The following GALM variants were observed in gnomAD, a reference collection of about 807,000 sequenced individuals.
GALM encodes the protein galactose mutarotase.
GALM carries 43 observed loss-of-function variants against 37.4 expected under a neutral mutation model. That is an observed-to-expected ratio of 1.15 (90% confidence interval 0.90 to 1.48). GALM has a LOEUF of 1.48. GALM is among the 40% of genes most tolerant of loss of function. GALM has a pLI of 0.00. For synonymous variants in GALM, 199 were observed against 170.6 expected (o/e 1.17, Z -1.30); for missense variants, 456 against 419.1 (o/e 1.09, Z -0.77).
At chr2:38,715,233 A>G (rs1666245518) in intron 4 of GALM, among the ~76,000 whole-genome samples, 1 of 151,990 alleles carries the variant, frequency 6.6e-6, no homozygotes, top group African/African-American at 2.4e-5. Context: ...TCATCCCTTC[A>G]CTTTCAGTCT....
chr2:38,711,757 A>G (rs796301581), intron 4 of GALM, among the ~76,000 whole-genome samples: 2,086 of 149,654 alleles, frequency 0.014, 12 homozygotes, highest in African/African-American at 0.05. Context: ...CACCATCACT[A>G]TCACCACCAT....
intron 4 of GALM, among the ~76,000 whole-genome samples, chr2:38,692,097 A>G (rs1475359021): frequency 6.6e-6 from 1 of 152,168 alleles, no homozygotes; most frequent in South Asian, 2.1e-4. Flanking sequence ...AATCCTTTAG[A>G]GCTCTATCAT....
At chr2:38,712,761 A>G (rs568481367) in intron 4 of GALM, among the ~76,000 whole-genome samples, 1 of 152,336 alleles carries the variant, frequency 6.6e-6, no homozygotes, top group African/African-American at 2.4e-5. Context: ...AGCGCAGGAC[A>G]GCAATCTCAT....
Position 38,681,359 on chromosome 2 carries a change from G to C in GALM, c.425G>C (p.Gly142Ala), listed in dbSNP as rs1157164491. The change falls in exon 3 of 7, where the codon GGA (glycine) becomes GCA (alanine). Residue 142 changes from glycine to alanine, a missense_variant. Coordinates refer to ENST00000272252, the MANE Select transcript of GALM (RefSeq NM_138801.3). The stretch of plus-strand genomic sequence containing the variant: ...CCAGATGGTGAAGAAGGCTACCCCG[G>C]AGAGTTAAAAGTCTGGGTGACATAC... ...ISPDGEEGYP[G>A]ELKVWVTYTL... The C allele has an allele frequency of 6.2e-7, 1 of 1,614,138 alleles. No individual in the cohort carries two copies. The highest frequency in any genetic ancestry group is 1.3e-5 in the African/African-American group (1 of 75,046).
chr2:38,706,543 G>C (rs1242095115), intron 4 of GALM, among the ~76,000 whole-genome samples: 1 of 150,862 alleles, frequency 6.6e-6, no homozygotes, highest in Non-Finnish European at 1.5e-5. Flanking sequence ...AGCCAGGTGC[G>C]GTGGCCCACA....
At chr2:38,728,686 AAAAACAAAAC>A (rs70954748) in intron 4 of GALM, among the ~76,000 whole-genome samples, 109 of 150,728 alleles carry the variant, frequency 7.2e-4, no homozygotes, top group African/African-American at 2.4e-3. Flanking sequence ...CTCCATCTCA[AAAAACAAAAC>A]AAAACAAAAC....
intron 4 of GALM, among the ~76,000 whole-genome samples, chr2:38,696,946 C>T (rs1195977650): frequency 5.3e-5 from 8 of 151,824 alleles, no homozygotes; most frequent in Admixed American, 6.6e-5. Flanking sequence ...CATGCCACCA[C>T]GCCCGGCTAA....
In GALM at chr2:38,681,418, A is replaced by G; in HGVS notation, c.484A>G (p.Arg162Gly). The change falls in exon 3 of 7, where the codon AGA becomes GGA. Residue 162 changes from arginine (R) to glycine (G), a missense_variant. Arg to Gly is a moderately radical substitution (Grantham distance 125). Coordinates refer to ENST00000272252, the MANE Select transcript of GALM (RefSeq NM_138801.3). ...LDGGELIVNYRAQASQATPVN... is the reference protein window; with the variant it reads ...LDGGELIVNYGAQASQATPVN... The stretch of plus-strand genomic sequence containing the variant: ...TGGCGGAGAGCTCATAGTCAACTAC[A>G]GAGCACAAGCCAGTCAGGCCACACC... 6.2e-7 allele frequency: 1 copy of G among 1,614,178 alleles called. No homozygotes were observed. The highest frequency in any genetic ancestry group is 8.5e-7 in the Non-Finnish European group (1 of 1,179,994).
chr2:38,707,136 G>A (rs1346257714), intron 4 of GALM, among the ~76,000 whole-genome samples: 3 of 151,920 alleles, frequency 2.0e-5, no homozygotes, highest in Admixed American at 2.0e-4. Flanking sequence ...GGAGAACTAT[G>A]GATTTGATCT....
chr2:38,727,433 A>G (rs963117146), intron 4 of GALM, among the ~76,000 whole-genome samples: 3 of 151,984 alleles, frequency 2.0e-5, no homozygotes, highest in Admixed American at 2.0e-4. Flanking sequence ...TTCTGAGTTT[A>G]AGAAAAGAAA....
rs565165069 is a variant in GALM at position 38,681,364 on chromosome 2, T to C, written c.430T>C (p.Leu144=). The change falls in exon 3 of 7, where the codon TTA becomes CTA. Residue 144 remains leucine, a synonymous_variant. Coordinates refer to ENST00000272252, the MANE Select transcript of GALM (RefSeq NM_138801.3). ...PDGEEGYPGE[L]KVWVTYTLDG... ...TGGTGAAGAAGGCTACCCCGGAGAG[T>C]TAAAAGTCTGGGTGACATACACCCT... 9 of 1,613,484 alleles carry C rather than the reference T, an allele frequency of 5.6e-6. No homozygotes were observed. The South Asian group carries it at 7.7e-5, about 14-fold the overall frequency.
intron 4 of GALM, among the ~76,000 whole-genome samples, 185 bp downstream of exon 4, chr2:38,690,079 G>C (rs889848186): frequency 5.3e-5 from 8 of 152,180 alleles, no homozygotes; most frequent in African/African-American, 1.9e-4. Flanking sequence ...GTTAGCATGA[G>C]GGAAAGCTGG....
chr2:38,685,803 C>T lies in GALM; in HGVS notation c.553-4010C>T, dbSNP rs144976136. On this transcript the variant is annotated intron_variant, in intron 3 of 6. Coordinates refer to ENST00000272252, the MANE Select transcript of GALM (RefSeq NM_138801.3). ...CGCAATCTCGGCTCACGGCAATCTC[C>T]GCCTCCCAAGTTCCAGGGATTCTCC... is the stretch of plus-strand genomic sequence containing the variant. 8.6e-3 allele frequency among the ~76,000 whole-genome samples: 1,308 copies of T among 152,114 alleles called. 16 individuals carry two copies. Among genetic ancestry groups the T allele is most frequent in the African/African-American group, 0.03 (1,236 of 41,492 alleles).
chr2:38,724,081 G>A (rs1228074623), intron 4 of GALM, among the ~76,000 whole-genome samples: 31 of 152,160 alleles, frequency 2.0e-4, no homozygotes, highest in Non-Finnish European at 1.5e-5. Flanking sequence ...ACCATGCCCA[G>A]CTAATTTTTG....
rs370560005 is a variant in GALM at position 38,670,905 on chromosome 2, G to C, written c.190+4554G>C. The stretch of plus-strand genomic sequence containing the variant: ...AAAGGATAAGTCATTCTGTGAATGG[G>C]GGTTTTGATTGAGAGTGGTGAGTAA... On this transcript the variant is annotated intron_variant, in intron 1 of 6. Transcript: ENST00000272252. 2.6e-5 allele frequency among the ~76,000 whole-genome samples: 4 copies of C among 152,304 alleles called. No homozygotes were observed. In the East Asian group the frequency reaches 7.7e-4, roughly 29 times the overall value.
intron 3 of GALM, 72 bp from the exon 4 acceptor site, chr2:38,689,741 C>T: frequency 3.4e-6 from 3 of 891,330 alleles, no homozygotes; most frequent in Non-Finnish European, 3.5e-6. Flanking sequence ...AACATTTTTG[C>T]AAGATAAGTT....
chr2:38,703,580 C>G (rs1665974880), intron 4 of GALM, among the ~76,000 whole-genome samples: 1 of 152,140 alleles, frequency 6.6e-6, no homozygotes, highest in Non-Finnish European at 1.5e-5. Flanking sequence ...TCATTGAACT[C>G]TGAGGTCCTG....
chr2:38,680,071 A>G (rs907838002), intron 2 of GALM: 6 of 455,324 alleles, frequency 1.3e-5, no homozygotes, highest in Admixed American at 4.7e-5. Context: ...TTGGAGTGCA[A>G]TGGTGTGTGC....
chr2:38,708,985 G>A (rs186937396), intron 4 of GALM, among the ~76,000 whole-genome samples: 21 of 152,224 alleles, frequency 1.4e-4, no homozygotes, highest in East Asian at 1.9e-4. Context: ...TCGGCAGGGC[G>A]GAGTCAGGAG....
Sources: gnomAD v4.1 joint callset for allele counts (sites outside exome capture counted in the v4.1 genomes callset) on GRCh38, gnomAD v4.1.1 for gene constraint, MANE v1.5 for transcripts, NCBI Gene and HGNC (gene_info 2026-07-23, HGNC 2026-07-21) for gene names.